Variants in SYT9 observed in about 807,000 individuals in gnomAD.
SYT9 encodes synaptotagmin 9.
Under a neutral mutation model 48.4 loss-of-function variants are expected in SYT9, and 22 were observed. The observed-to-expected ratio is 0.45, with a 90% CI of 0.32 to 0.65. SYT9 has a LOEUF of 0.65. Among genes scored for constraint, SYT9 ranks in the 30% least tolerant of loss-of-function variants. The pLI is 0.03. For synonymous variants in SYT9, 265 were observed against 245.0 expected, an observed-to-expected ratio of 1.08 and a Z score of -0.76; for missense variants, 577 against 622.0, an observed-to-expected ratio of 0.93 and a Z score of 0.77.
rs374877309 is a variant in SYT9, at chr11:7,428,432, G to A, written c.1467+7797G>A. On this transcript the variant is annotated intron_variant, in intron 6 of 6. Coordinates refer to ENST00000318881, the MANE Select transcript of SYT9 (RefSeq NM_175733.4). ...AACATGATAGGCCAGTTCTTTCCCC[G>A]CAGATGAAATGAACCAGAGTGGTTT... is the stretch of plus-strand genomic sequence containing the variant. 1.3e-4 allele frequency among the ~76,000 whole-genome samples: 20 copies of A among 152,254 alleles called. No individual in the cohort carries two copies. In the South Asian group the frequency reaches 3.1e-3, roughly 24 times the overall value.
chr11:7,288,306 T>G (rs1295641343), intron 1 of SYT9, among the ~76,000 whole-genome samples: 1 of 151,918 alleles, frequency 6.6e-6, no homozygotes, highest in East Asian at 1.9e-4. Flanking sequence ...AAAAAAACTC[T>G]TCATCTACCT....
chr11:7,283,031 G>A (rs1028634858), intron 1 of SYT9, among the ~76,000 whole-genome samples: 2 of 150,592 alleles, frequency 1.3e-5, no homozygotes, highest in African/African-American at 2.5e-5. Context: ...ACTCCCAGAG[G>A]CAACCATTTT....
chr11:7,384,093 C>CAT (rs1402792808), intron 3 of SYT9, among the ~76,000 whole-genome samples: 4 of 150,822 alleles, frequency 2.7e-5, no homozygotes, highest in African/African-American at 2.4e-5. Flanking sequence ...CACACACACA[C>CAT]CCTCACACCT....
At chr11:7,466,496 G>T (rs1436489379) in intron 6 of SYT9, among the ~76,000 whole-genome samples, 1 of 152,136 alleles carries the variant, frequency 6.6e-6, no homozygotes, top group East Asian at 1.9e-4. Flanking sequence ...GCCGAGGCAG[G>T]CAGATCACAA....
intron 3 of SYT9, among the ~76,000 whole-genome samples, chr11:7,339,770 C>A (rs1849684294): frequency 6.6e-6 from 1 of 152,106 alleles, no homozygotes; most frequent in South Asian, 2.1e-4. Context: ...AGTCCTTTCT[C>A]TCTAGCTGCC....
chr11:7,337,722 T>C (rs1425079774), intron 3 of SYT9, among the ~76,000 whole-genome samples: 1 of 152,164 alleles, frequency 6.6e-6, no homozygotes, highest in Non-Finnish European at 1.5e-5. Context: ...GCCTACTTGA[T>C]TGTGGTGGAT....
chr11:7,345,215 C>T (rs1412044579), intron 3 of SYT9, among the ~76,000 whole-genome samples: 2 of 152,174 alleles, frequency 1.3e-5, no homozygotes, highest in South Asian at 2.1e-4. Context: ...CTCCCAAGTC[C>T]GTTTCCTCAA....
At chr11:7,245,363 G>A (rs927615108) in intron 1 of SYT9, among the ~76,000 whole-genome samples, 2 of 151,750 alleles carry the variant, frequency 1.3e-5, no homozygotes, top group African/African-American at 4.8e-5. Context: ...TATCATTCAG[G>A]GACATTGTAG....
intron 3 of SYT9, among the ~76,000 whole-genome samples, chr11:7,410,730 A>G (rs1368960130): frequency 6.6e-6 from 1 of 152,114 alleles, no homozygotes; most frequent in East Asian, 1.9e-4. Flanking sequence ...CTTTGGGTGT[A>G]TATGTATCTT....
intron 6 of SYT9, among the ~76,000 whole-genome samples, chr11:7,463,066 A>T (rs1335954990): frequency 6.6e-6 from 1 of 152,200 alleles, no homozygotes; most frequent in African/African-American, 2.4e-5. Flanking sequence ...CTCTGTTCAG[A>T]TAGGATTGTA....
chr11:7,312,588 C>T (rs758596537), intron 2 of SYT9, among the ~76,000 whole-genome samples: 2 of 152,230 alleles, frequency 1.3e-5, no homozygotes, highest in African/African-American at 4.8e-5. Flanking sequence ...CAAACCAATA[C>T]ACTTACAGGG....
Position 7,417,973 on chromosome 11 carries a change from C to A in SYT9, c.1182C>A (p.Val394=), listed in dbSNP as rs375225815. 2 of 1,613,856 alleles carry A rather than the reference C, an allele frequency of 1.2e-6. No individual in the cohort carries two copies. The highest frequency in any genetic ancestry group is 1.7e-6 in the Non-Finnish European group (2 of 1,179,838). ...TCTGTCCAGATCCCTATGTGAAAGTCTCGCTGATGTGTGATGGCAGACGAC... is the reference window on the plus strand; with the variant it reads ...TCTGTCCAGATCCCTATGTGAAAGTATCGCTGATGTGTGATGGCAGACGAC... The part of the protein sequence containing the change: ...ITGASDPYVK[V]SLMCDGRRLK... The change falls in exon 5 of 7, where the codon GTC becomes GTA. Residue 394 remains valine (V), a synonymous_variant. Transcript: ENST00000318881.
At chr11:7,380,207 A>G (rs1415007355) in intron 3 of SYT9, among the ~76,000 whole-genome samples, 2 of 152,080 alleles carry the variant, frequency 1.3e-5, no homozygotes, top group African/African-American at 2.4e-5. Flanking sequence ...GACAAACATC[A>G]TATGTTCTTA....
intron 4 of SYT9, among the ~76,000 whole-genome samples, chr11:7,417,723 A>G (rs941661140): frequency 6.6e-6 from 1 of 152,226 alleles, no homozygotes; most frequent in Non-Finnish European, 1.5e-5. Context: ...AACTATTTTT[A>G]AATTACACAC....
chr11:7,437,137 G>C (rs963356282), intron 6 of SYT9, among the ~76,000 whole-genome samples: 1 of 152,170 alleles, frequency 6.6e-6, no homozygotes, highest in African/African-American at 2.4e-5. Context: ...TTCTATTGTA[G>C]TGCTTAAATA....
intron 3 of SYT9, among the ~76,000 whole-genome samples, chr11:7,370,586 G>A (rs942660290): frequency 2.6e-5 from 4 of 152,090 alleles, no homozygotes; most frequent in Admixed American, 1.3e-4. Context: ...GATTTTATGG[G>A]ATATAAATTA....
At chr11:7,424,356 C>G (rs1378154314) in intron 6 of SYT9, among the ~76,000 whole-genome samples, 1 of 152,124 alleles carries the variant, frequency 6.6e-6, no homozygotes, top group Non-Finnish European at 1.5e-5. Flanking sequence ...ATCGGAGCAC[C>G]CCCTCCATAG....
At chr11:7,286,958 C>T (rs975011235) in intron 1 of SYT9, among the ~76,000 whole-genome samples, 4 of 152,202 alleles carry the variant, frequency 2.6e-5, no homozygotes, top group African/African-American at 9.7e-5. Context: ...CAAACTCTTC[C>T]AACTGCTGCC....
chr11:7,389,926 A>G lies in SYT9; in HGVS notation c.1045-26116A>G, dbSNP rs1039456528. The stretch of plus-strand genomic sequence containing the variant: ...TGATGTAAAATGATTCTGAAATACA[A>G]TAATTTTAACCTAAACTCTATGCCC... On this transcript the variant is annotated intron_variant, in intron 3 of 6. Coordinates refer to ENST00000318881, the MANE Select transcript of SYT9 (RefSeq NM_175733.4). Among the ~76,000 whole-genome samples the G allele has an allele frequency of 3.3e-5, 5 of 152,216 alleles. No individual in the cohort carries two copies. The East Asian group carries it at 9.6e-4, about 29-fold the overall frequency.
Sources: gnomAD v4.1 joint callset for allele counts (sites outside exome capture counted in the v4.1 genomes callset) on GRCh38, gnomAD v4.1.1 for gene constraint, MANE v1.5 for transcripts, NCBI Gene and HGNC (gene_info 2026-07-23, HGNC 2026-07-21) for gene names.